RTL9: variants seen among roughly 807,000 people sequenced by gnomAD.
RTL9 encodes the protein retrotransposon Gag like 9, also known as retrotransposon Gag-like protein 9.
Under a neutral mutation model 44.7 loss-of-function variants are expected in RTL9, and 19 were observed. The observed-to-expected ratio is 0.42, with a 90% CI of 0.30 to 0.62. RTL9 has a LOEUF of 0.62. Ranked by LOEUF, RTL9 falls within the 20% of genes least tolerant of loss-of-function variation. RTL9 has a pLI of 0.16. For missense variants in RTL9, 1,105 were observed against 1,080.6 expected (o/e 1.02, Z -0.32); for synonymous variants, 407 against 398.9 (o/e 1.02, Z -0.24).
At chrX:110,448,210 C>A (rs1038849240), upstream of RTL9, among the ~76,000 whole-genome samples, 1 of 111,054 alleles carries the variant, frequency 9.0e-6, no homozygotes, top group Admixed American at 9.6e-5. Flanking sequence ...CTTGCCAGCC[C>A]CCACTGTCCA....
chrX:110,442,221 TTCTC>T lies in RTL9; in HGVS notation c.-167-2908_-167-2905del, dbSNP rs781098261. 4.7e-4 allele frequency among the ~76,000 whole-genome samples: 34 copies of T among 72,765 alleles called. No homozygotes were observed. In the South Asian group the frequency reaches 6.3e-3, roughly 13 times the overall value. 63.2% of individuals were successfully genotyped at this position (72,765 alleles called of 115,157 possible). ...TATATTGGAATTTGGATCGAAGTCT[TTCTC>T]TCTCTCTCTCTCTCTCTCTCTCTGT... On this transcript the variant is annotated intron_variant, in intron 1 of 3. Transcript: ENST00000465301.
At chrX:110,436,692 A>G (rs1163312737) in intron 1 of RTL9, among the ~76,000 whole-genome samples, 1 of 111,273 alleles carries the variant, frequency 9.0e-6, no homozygotes, top group Non-Finnish European at 1.9e-5. Flanking sequence ...CCAGGAGAGG[A>G]TGGGGAGGGA....
exon 1 of RTL9, chrX:110,453,605 G>A (rs749396594): frequency 2.9e-5 from 35 of 1,211,924 alleles, no homozygotes; most frequent in South Asian, 1.1e-4. Flanking sequence ...CCAGTGTTGC[G>A]AACTCTAGAT....
exon 1 of RTL9, chrX:110,454,634 T>A: frequency 8.3e-7 from 1 of 1,199,611 alleles, no homozygotes. Context: ...CCATGGGGAA[T>A]GAACTGAGCT....
chrX:110,443,019 T>C (rs2068891134), intron 1 of RTL9, among the ~76,000 whole-genome samples: 2 of 111,974 alleles, frequency 1.8e-5, no homozygotes, highest in Non-Finnish European at 3.8e-5. Context: ...GGGCAGAAGC[T>C]GAACACAGAG....
At chrX:110,445,253 A>G (rs1041943097) in exon 2 of RTL9, 2 of 112,530 alleles carry the variant, frequency 1.8e-5, no homozygotes, top group African/African-American at 6.5e-5. Context: ...GCTCCCTCTC[A>G]GCGGTGAGAG....
rs374650150 is a variant in RTL9 at position 110,452,957 on chromosome X, G to T, written c.2340G>T (p.Arg780Ser). 6.6e-6 allele frequency: 8 copies of T among 1,209,876 alleles called. No individual in the cohort carries two copies. The African/African-American group carries it at 1.1e-4, about 16-fold the overall frequency. The change falls in exon 1 of 2, where the codon AGG becomes AGT. Residue 780 changes from arginine to serine, a missense_variant. Transcript: ENST00000540313. ...TGAGAACCTCAGACCCTGGAGAGAG[G>T]CCCTCACTGCTCACAAGAGCTTCAT...
intron 1 of RTL9, among the ~76,000 whole-genome samples, chrX:110,432,021 G>A (rs983184863): frequency 8.9e-6 from 1 of 111,952 alleles, no homozygotes; most frequent in African/African-American, 3.3e-5. Context: ...TTTGGGGAGG[G>A]TTTATGTGTT....
At chrX:110,411,777 A>G (rs767472035) in intron 1 of RTL9, among the ~76,000 whole-genome samples, 1 of 112,561 alleles carries the variant, frequency 8.9e-6, no homozygotes, top group Non-Finnish European at 1.9e-5. Flanking sequence ...AGCACTTACC[A>G]TGATTTACAA....
intron 1 of RTL9, among the ~76,000 whole-genome samples, chrX:110,402,071 C>T (rs1160502155): frequency 1.8e-5 from 2 of 112,334 alleles, no homozygotes; most frequent in African/African-American, 3.2e-5. Flanking sequence ...CTCTGTCCCA[C>T]ACTTTCCAGG....
chrX:110,454,586 G>A (rs2068969385), exon 1 of RTL9: 2 of 1,211,937 alleles, frequency 1.7e-6, no homozygotes, highest in Non-Finnish European at 2.2e-6. Context: ...ACTCAAGCCA[G>A]GTTCTGCCAA....
Position 110,454,700 on chromosome X carries a change from A to G in RTL9, c.4047+36A>G, listed in dbSNP as rs1200921254. 5 of 1,097,706 alleles carry G rather than the reference A, an allele frequency of 4.6e-6. No individual in the cohort carries two copies. The East Asian group carries it at 1.2e-4, about 27-fold the overall frequency. The allele number at this position is 1,097,706 out of a possible 1,213,427, so 90.5% of individuals were successfully genotyped here. On this transcript the variant is annotated intron_variant, in intron 1 of 1. Coordinates refer to ENST00000540313, the Ensembl canonical transcript of RTL9. Reference sequence around the variant, plus strand: ...GGAAATCCGCTGAAGGTTTTTGAGCAGAGAAATGAGGAGGTCACGACAGGG... The same window carrying G: ...GGAAATCCGCTGAAGGTTTTTGAGCGGAGAAATGAGGAGGTCACGACAGGG...
At chrX:110,438,399 G>C (rs1039375620) in intron 1 of RTL9, among the ~76,000 whole-genome samples, 1 of 111,744 alleles carries the variant, frequency 8.9e-6, no homozygotes, top group African/African-American at 3.3e-5. Context: ...TGCCAAGACA[G>C]GACTTGGATT....
intron 1 of RTL9, among the ~76,000 whole-genome samples, chrX:110,395,341 T>C (rs1005158692): frequency 7.1e-5 from 8 of 112,156 alleles, no homozygotes; most frequent in African/African-American, 2.3e-4. Context: ...CTCATGTCTT[T>C]TTCCCTCTTC....
At chrX:110,410,180 G>A (rs1315745418) in intron 1 of RTL9, among the ~76,000 whole-genome samples, 1 of 111,437 alleles carries the variant, frequency 9.0e-6, no homozygotes, top group African/African-American at 3.3e-5. Flanking sequence ...GGCAGAGTTG[G>A]AAATGGAACT....
chrX:110,430,651 G>A (rs908872831), intron 1 of RTL9, among the ~76,000 whole-genome samples: 8 of 112,252 alleles, frequency 7.1e-5, no homozygotes, highest in Non-Finnish European at 1.5e-4. Context: ...GGCATGAAAA[G>A]GAAGCTGGCA....
At chrX:110,430,496 C>T (rs1022287904) in intron 1 of RTL9, among the ~76,000 whole-genome samples, 6 of 111,813 alleles carry the variant, frequency 5.4e-5, no homozygotes, top group East Asian at 2.8e-4. Flanking sequence ...TAGTGAATGG[C>T]GGAACACAGA....
chrX:110,417,555 G>A (rs915691993), upstream of RTL9, among the ~76,000 whole-genome samples: 4 of 111,923 alleles, frequency 3.6e-5, no homozygotes, highest in Admixed American at 3.8e-4. Context: ...CATCTTCCCA[G>A]CAGGTTTTGT....
chrX:110,430,023 G>C (rs1340343653), intron 1 of RTL9, among the ~76,000 whole-genome samples: 1 of 111,757 alleles, frequency 8.9e-6, no homozygotes, highest in East Asian at 2.8e-4. Context: ...CTGGGTGGTG[G>C]GCATGTTCTT....
Sources: gnomAD v4.1 joint callset for allele counts (sites outside exome capture counted in the v4.1 genomes callset) on GRCh38, gnomAD v4.1.1 for gene constraint, MANE v1.5 for transcripts, NCBI Gene and HGNC (gene_info 2026-07-23, HGNC 2026-07-21) for gene names.